The following NPSR1 variants were observed in gnomAD, a reference collection of about 807,000 sequenced individuals.
NPSR1 encodes neuropeptide S receptor 1, also known as neuropeptide S receptor.
Under a neutral mutation model 46.9 loss-of-function variants are expected in NPSR1, and 48 were observed. The observed-to-expected ratio is 1.02, with a 90% CI of 0.81 to 1.30. The LOEUF (loss-of-function observed/expected upper bound fraction) is 1.30. Ranked by LOEUF, NPSR1 falls within the 50% of genes most tolerant of loss-of-function variation. The pLI is 0.00. For synonymous variants in NPSR1, 176 were observed against 168.1 expected, an observed-to-expected ratio of 1.05 and a Z score of -0.36; for missense variants, 450 against 449.5, an observed-to-expected ratio of 1.00 and a Z score of -0.01.
intron 3 of NPSR1, among the ~76,000 whole-genome samples, chr7:34,790,670 G>T (rs1034011776): frequency 8.8e-6 from 1 of 113,294 alleles, no homozygotes; most frequent in Non-Finnish European, 1.9e-5. Context: ...ATAAATATAT[G>T]TTATATGTTC....
intron 3 of NPSR1, among the ~76,000 whole-genome samples, chr7:34,791,511 ATAGACT>A (rs984820204): frequency 1.4e-3 from 215 of 151,626 alleles, no homozygotes; most frequent in Non-Finnish European, 2.2e-3. Context: ...CAAGTAGGTG[ATAGACT>A]TATACAAAAA....
intron 2 of NPSR1, among the ~76,000 whole-genome samples, chr7:34,755,949 G>A (rs906916890): frequency 3.3e-5 from 5 of 152,178 alleles, no homozygotes; most frequent in African/African-American, 7.2e-5. Context: ...AACTGAGACC[G>A]AAGGAGGTTA....
chr7:34,750,438 G>C, intron 2 of NPSR1: 2 of 743,260 alleles, frequency 2.7e-6, no homozygotes, highest in African/African-American at 3.4e-5. Flanking sequence ...CGGGGCTCTG[G>C]TGTGACGAAG....
intron 2 of NPSR1, among the ~76,000 whole-genome samples, chr7:34,697,257 G>T (rs756807154): frequency 1.3e-5 from 2 of 151,868 alleles, no homozygotes; most frequent in Non-Finnish European, 2.9e-5. Context: ...GGTAGTTAAA[G>T]ATGTTAAAGT....
intron 2 of NPSR1, chr7:34,710,752 A>G (rs1783240072): frequency 2.4e-6 from 1 of 415,070 alleles, no homozygotes; most frequent in South Asian, 2.0e-5. Context: ...CAACTGCAAG[A>G]ATAGTTAAAA....
intron 2 of NPSR1, chr7:34,718,859 C>T (rs1783705309): frequency 6.6e-6 from 1 of 152,192 alleles, no homozygotes; most frequent in Non-Finnish European, 1.5e-5. Context: ...AAAGTCCAAG[C>T]ACTTCATGGA....
chr7:34,726,131 AC>A (rs1203255294), intron 2 of NPSR1, among the ~76,000 whole-genome samples: 1 of 152,220 alleles, frequency 6.6e-6, no homozygotes, highest in African/African-American at 2.4e-5. Flanking sequence ...CAACTATGGT[AC>A]AAAATATAAC....
At chr7:34,739,112 A>G (rs57365404) in intron 2 of NPSR1, among the ~76,000 whole-genome samples, 48,041 of 152,040 alleles carry the variant, frequency 0.32, 7,957 homozygotes, top group East Asian at 0.44. Flanking sequence ...CCATTATTAC[A>G]TATTATGTTT....
chr7:34,754,927 C>A (rs752768491), intron 2 of NPSR1, among the ~76,000 whole-genome samples: 8 of 152,134 alleles, frequency 5.3e-5, no homozygotes, highest in Non-Finnish European at 7.4e-5. Context: ...TTAACACTTT[C>A]AAGGTTCATT....
chr7:34,719,613 T>C (rs543890827), intron 2 of NPSR1: 73 of 152,260 alleles, frequency 4.8e-4, no homozygotes, highest in African/African-American at 1.7e-3. Flanking sequence ...GCTGGCACCT[T>C]ACTAAATAAA....
At chr7:34,736,874 C>G (rs1442611325) in intron 2 of NPSR1, among the ~76,000 whole-genome samples, 1 of 152,102 alleles carries the variant, frequency 6.6e-6, no homozygotes, top group East Asian at 1.9e-4. Flanking sequence ...ATGCTTATTC[C>G]CTTACGGTTC....
intron 2 of NPSR1, chr7:34,751,687 A>T (rs976758731): frequency 8.8e-6 from 14 of 1,589,670 alleles, no homozygotes; most frequent in Non-Finnish European, 1.1e-5. Context: ...GAGGTTCATC[A>T]ACAGGAAAGT....
intron 2 of NPSR1, among the ~76,000 whole-genome samples, chr7:34,689,611 A>AG (rs1793126526): frequency 1.0e-5 from 1 of 97,574 alleles, no homozygotes; most frequent in African/African-American, 4.5e-5. Flanking sequence ...TCTCAAAAAA[A>AG]AAAAAAAAAA....
At chr7:34,847,912 G>A (rs1790796435) in intron 7 of NPSR1, among the ~76,000 whole-genome samples, 1 of 152,176 alleles carries the variant, frequency 6.6e-6, no homozygotes, top group Non-Finnish European at 1.5e-5. Flanking sequence ...ATAAACTGGT[G>A]TCTCACACAT....
chr7:34,713,122 C>T (rs959682869), intron 2 of NPSR1, among the ~76,000 whole-genome samples: 1 of 152,216 alleles, frequency 6.6e-6, no homozygotes, highest in Non-Finnish European at 1.5e-5. Context: ...ACAGACTGAG[C>T]AGAGCGGCTA....
chr7:34,729,650 C>A (rs1784329175), intron 2 of NPSR1, among the ~76,000 whole-genome samples: 1 of 151,952 alleles, frequency 6.6e-6, no homozygotes, highest in Non-Finnish European at 1.5e-5. Flanking sequence ...ATTATAAAAC[C>A]AACAAATATA....
intron 2 of NPSR1, chr7:34,768,407 C>T (rs962326683): frequency 2.0e-5 from 3 of 151,780 alleles, no homozygotes; most frequent in Admixed American, 6.6e-5. Flanking sequence ...GAAACCAGAC[C>T]GGAAATTTTA....
At chr7:34,817,463 T>A (rs895978143) in intron 4 of NPSR1, among the ~76,000 whole-genome samples, 4 of 39,560 alleles carry the variant, frequency 1.0e-4, no homozygotes, top group Admixed American at 8.9e-4. Flanking sequence ...ACCAGACCAA[T>A]TCACAACTGA....
At chr7:34,676,228 T>C (rs1358950520) in intron 1 of NPSR1, among the ~76,000 whole-genome samples, 1 of 152,226 alleles carries the variant, frequency 6.6e-6, no homozygotes, top group African/African-American at 2.4e-5. Context: ...TAACAGGCAC[T>C]GAGCTAAAAA....
Sources: allele counts gnomAD v4.1 joint callset (sites outside exome capture counted in the v4.1 genomes callset), GRCh38; gene constraint gnomAD v4.1.1; transcripts MANE v1.5; gene names NCBI Gene and HGNC (gene_info 2026-07-23, HGNC 2026-07-21).